Variants in NIPA2 observed in about 807,000 individuals in gnomAD.
NIPA2 encodes the protein magnesium transporter NIPA2.
Under a neutral mutation model 29.7 loss-of-function variants are expected in NIPA2, and 11 were observed. The observed-to-expected ratio is 0.37, with a 90% CI of 0.23 to 0.61. NIPA2 has a LOEUF of 0.61. Ranked by LOEUF, NIPA2 falls within the 20% of genes least tolerant of loss-of-function variation. NIPA2 has a pLI of 0.66. For synonymous variants in NIPA2, 183 were observed against 161.9 expected, an observed-to-expected ratio of 1.13 and a Z score of -0.99; for missense variants, 426 against 437.9, an observed-to-expected ratio of 0.97 and a Z score of 0.24.
chr15:22,840,674 C>T (rs904944459), intron 2 of NIPA2, among the ~76,000 whole-genome samples: 1 of 152,102 alleles, frequency 6.6e-6, no homozygotes, highest in African/African-American at 2.4e-5. Context: ...TGGTCCTCTG[C>T]ATGTGACTCT....
intron 3 of NIPA2, among the ~76,000 whole-genome samples, chr15:22,849,784 G>C (rs542162896): frequency 1.3e-5 from 2 of 151,714 alleles, no homozygotes; most frequent in African/African-American, 2.4e-5. Flanking sequence ...AGGATGACTC[G>C]ATCTCCTGAC....
intron 5 of NIPA2, among the ~76,000 whole-genome samples, chr15:22,854,654 G>A (rs949934287): frequency 1.3e-5 from 2 of 151,926 alleles, no homozygotes; most frequent in Admixed American, 6.5e-5. Flanking sequence ...GCTGAGGCCC[G>A]AGAATCGCTT....
At chr15:22,862,895 ATTC>A (rs1219188172) in intron 7 of NIPA2, among the ~76,000 whole-genome samples, 2 of 103,434 alleles carry the variant, frequency 1.9e-5, no homozygotes, top group African/African-American at 8.0e-5. Flanking sequence ...GTTTGCCTTT[ATTC>A]TTTTTTTTTT....
At chr15:22,859,308 T>TTTTTTA (rs2058445855) in intron 6 of NIPA2, among the ~76,000 whole-genome samples, 1 of 146,356 alleles carries the variant, frequency 6.8e-6, no homozygotes, top group African/African-American at 2.5e-5. Context: ...TTTTTTTTTT[T>TTTTTTA]TTGAGGCGGA....
chr15:22,866,606 G>A lies in NIPA2; in HGVS notation c.842G>A (p.Gly281Asp), dbSNP rs770552904. ...WQDMPVDDVI[G>D]TLSGFFTIIV... ...GATATGCCTGTTGACGATGTCATTGGTACTTTGAGTGGCTTCTTTACAATC... is the reference window on the plus strand; with the variant it reads ...GATATGCCTGTTGACGATGTCATTGATACTTTGAGTGGCTTCTTTACAATC... The change falls in exon 8 of 8, where the codon GGT becomes GAT. Residue 281 changes from glycine (G) to aspartate (D), a missense_variant. Transcript: ENST00000337451. 1 of 1,614,086 alleles carries A rather than the reference G, an allele frequency of 6.2e-7. No individual in the cohort carries two copies. The highest frequency in any genetic ancestry group is 1.1e-5 in the South Asian group (1 of 91,080).
Position 22,866,744 on chromosome 15 carries a change from T to A in NIPA2, c.980T>A (p.Met327Lys), listed in dbSNP as rs1566880567. 1.9e-6 allele frequency: 3 copies of A among 1,613,876 alleles called. No homozygotes were observed. Among genetic ancestry groups the A allele is most frequent in the Middle Eastern group, 1.7e-4 (1 of 6,058 alleles). ...GCAATGAATGGCAATCTCTCTAATATGTATGAAGTTCTTAATAATAATGAA... is the reference window on the plus strand; with the variant it reads ...GCAATGAATGGCAATCTCTCTAATAAGTATGAAGTTCTTAATAATAATGAA... ...EKAMNGNLSNMYEVLNNNEES... is the reference protein window; with the variant it reads ...EKAMNGNLSNKYEVLNNNEES... The change falls in exon 8 of 8, where the codon ATG becomes AAG. Residue 327 changes from methionine (M) to lysine (K), a missense_variant. Around this residue, in one of 3 missense-constraint regions of NIPA2, gnomAD observed 357 missense variants for 339.8 expected, o/e 1.05. Transcript: ENST00000337451.
At position 22,866,598 on chromosome 15, in the gene NIPA2, T is replaced by C. The variant is rs141454645; in HGVS notation, c.834T>C (p.Asp278=). Residue 278 remains aspartate (D), a synonymous_variant, in exon 8 of 8, where the codon GAT becomes GAC. Coordinates refer to ENST00000337451, the MANE Select transcript of NIPA2 (RefSeq NM_030922.7). The part of the protein sequence containing the change: ...FKEWQDMPVD[D]VIGTLSGFFT... ...AGTGGCAAGATATGCCTGTTGACGA[T>C]GTCATTGGTACTTTGAGTGGCTTCT... The C allele has an allele frequency of 1.2e-4, 197 of 1,614,084 alleles. 1 individual carries two copies. Among genetic ancestry groups the C allele is most frequent in the Non-Finnish European group, 1.6e-4 (188 of 1,180,028 alleles).
chr15:22,851,736 G>T lies in NIPA2; in HGVS notation c.5G>T (p.Ser2Ile), dbSNP rs935071713. The T allele has an allele frequency of 6.2e-7, 1 of 1,610,936 alleles. No individual in the cohort carries two copies. Reference protein sequence around the residue: MSQGRGKYDFYI... With the variant: MIQGRGKYDFYI... ...ACTCCTTAAGTAACAAACGAAATGA[G>T]CCAGGGGCGTGGAAAATATGACTTC... The change falls in exon 4 of 8, where the codon AGC becomes ATC. Residue 2 changes from serine to isoleucine, a missense_variant. Physicochemically the swap from Ser to Ile is moderately radical, Grantham distance 142. This residue lies in a region of NIPA2 where 57 missense variants were observed against 66.6 expected (regional missense o/e 0.86). Coordinates refer to ENST00000337451, the MANE Select transcript of NIPA2 (RefSeq NM_030922.7).
rs1422384277 is a variant in NIPA2 at position 22,868,331 on chromosome 15, CAG to C, written c.*1488_*1489del. ...GAACCAGTTTTCTCCCCCTTGAGGA[CAG>C]AGACTCATTTGAACATGCATAGGTT... On this transcript the variant is annotated 3_prime_UTR_variant, in exon 8 of 8. Coordinates refer to ENST00000337451, the MANE Select transcript of NIPA2 (RefSeq NM_030922.7). The C allele has an allele frequency of 2.6e-5, 4 of 152,134 alleles. No individual in the cohort carries two copies. Among genetic ancestry groups the C allele is most frequent in the African/African-American group, 7.2e-5 (3 of 41,408 alleles). 9.4% of individuals were successfully genotyped at this position (152,134 alleles called of 1,614,324 possible).
intron 3 of NIPA2, among the ~76,000 whole-genome samples, chr15:22,846,006 A>T (rs1382970547): frequency 1.3e-5 from 2 of 152,194 alleles, no homozygotes; most frequent in Non-Finnish European, 2.9e-5. Flanking sequence ...TTAAATGAGT[A>T]AAATTCCATT....
In NIPA2 at chr15:22,866,811, T is replaced by C. The variant is rs373476489; in HGVS notation, c.1047T>C (p.Asn349=). Residue 349 remains asparagine, a synonymous_variant, in exon 8 of 8, where the codon AAT becomes AAC. Coordinates refer to ENST00000337451, the MANE Select transcript of NIPA2 (RefSeq NM_030922.7). Reference sequence around the variant, plus strand: ...GAATCGAACAACACACTGGTGAAAATGTCTCCCGAAGAAATGGAAATCTGA... The same window carrying C: ...GAATCGAACAACACACTGGTGAAAACGTCTCCCGAAGAAATGGAAATCTGA... The part of the protein sequence containing the change: ...TCGIEQHTGE[N]VSRRNGNLTA... 27 of 1,602,448 alleles carry C rather than the reference T, an allele frequency of 1.7e-5. No homozygotes were observed. Among genetic ancestry groups the C allele is most frequent in the Non-Finnish European group, 2.2e-5 (26 of 1,173,668 alleles).
chr15:22,863,602 A>AAG (rs2058766328), intron 7 of NIPA2, among the ~76,000 whole-genome samples: 1 of 152,208 alleles, frequency 6.6e-6, no homozygotes, highest in African/African-American at 2.4e-5. Context: ...GAAACACCGT[A>AAG]AGGGGAAATG....
At chr15:22,858,115 T>A (rs567370167) in intron 5 of NIPA2, among the ~76,000 whole-genome samples, 1 of 152,092 alleles carries the variant, frequency 6.6e-6, no homozygotes, top group Admixed American at 6.6e-5. Flanking sequence ...TTGGAGAGGC[T>A]GGGCGCAGTG....
intron 5 of NIPA2, 89 bp downstream of exon 5, chr15:22,853,357 T>A: frequency 2.6e-6 from 2 of 776,484 alleles, no homozygotes; most frequent in South Asian, 3.6e-5. Flanking sequence ...CTAGCAAGTT[T>A]TAAAGGTTTA....
intron 2 of NIPA2, among the ~76,000 whole-genome samples, chr15:22,842,242 C>T (rs1897284361): frequency 6.6e-6 from 1 of 152,084 alleles, no homozygotes; most frequent in Non-Finnish European, 1.5e-5. Flanking sequence ...CTGGGAGCCA[C>T]AGTGAAGGCA....
chr15:22,843,346 A>G (rs942013768), intron 2 of NIPA2, among the ~76,000 whole-genome samples: 2 of 151,718 alleles, frequency 1.3e-5, no homozygotes, highest in Non-Finnish European at 2.9e-5. Flanking sequence ...TCTACTAAAA[A>G]TACAAAAAAA....
chr15:22,858,641 G>GTTT lies in NIPA2; in HGVS notation c.287+14_287+16dup. 1 of 1,518,770 alleles carries GTTT rather than the reference G, an allele frequency of 6.6e-7. No homozygotes were observed. The highest frequency in any genetic ancestry group is 2.3e-5 in the East Asian group (1 of 43,032). The allele number at this position is 1,518,770 out of a possible 1,614,324, so 94.1% of individuals were successfully genotyped here. The stretch of plus-strand genomic sequence containing the variant: ...CAGCGTGCTAGTAAGGTAAGGACAC[G>GTTT]TTTTTCATGTAGAAACAGTAGTCGG... On this transcript the variant is annotated intron_variant, in intron 6 of 7. Coordinates refer to ENST00000337451, the MANE Select transcript of NIPA2 (RefSeq NM_030922.7).
chr15:22,843,149 TGAG>T (rs1191871764), intron 2 of NIPA2, among the ~76,000 whole-genome samples: 4 of 152,018 alleles, frequency 2.6e-5, no homozygotes, highest in Non-Finnish European at 5.9e-5. Flanking sequence ...TTGGCAGAGA[TGAG>T]GAGGCCTGGA....
At chr15:22,859,539 G>A (rs900478859) in intron 6 of NIPA2, among the ~76,000 whole-genome samples, 9 of 152,250 alleles carry the variant, frequency 5.9e-5, no homozygotes, top group African/African-American at 2.2e-4. Context: ...TGATCCACCC[G>A]CCTTGGCCTC....
Sources: gnomAD v4.1 joint callset for allele counts (sites outside exome capture counted in the v4.1 genomes callset) on GRCh38, gnomAD v4.1.1 for gene constraint, gnomAD v4.1.1 regional missense constraint, MANE v1.5 for transcripts, NCBI Gene and HGNC (gene_info 2026-07-23, HGNC 2026-07-21) for gene names.